The following MCOLN1 variants were observed in gnomAD, a reference collection of about 807,000 sequenced individuals.
MCOLN1 encodes mucolipin-1.
A neutral mutation model predicts 70.3 loss-of-function variants in MCOLN1; 50 were observed. The ratio of observed to expected loss-of-function variants is 0.71; its 90% CI spans 0.57 to 0.90. The LOEUF (loss-of-function observed/expected upper bound fraction) is 0.90, where lower values mean the gene tolerates loss of function less well. Ranked by LOEUF, MCOLN1 falls within the 40% of genes least tolerant of loss-of-function variation. MCOLN1 has a pLI of 0.00. For missense variants in MCOLN1, 598 were observed against 803.5 expected, an observed-to-expected ratio of 0.74 and a Z score of 3.09; for synonymous variants, 366 against 341.0, an observed-to-expected ratio of 1.07 and a Z score of -0.81.
At position 7,526,039 on chromosome 19, in the gene MCOLN1, G is replaced by A. The variant is rs1216689758; in HGVS notation, c.238-400G>A. The A allele has an allele frequency of 3.2e-6, 1 of 315,112 alleles. No individual in the cohort carries two copies. Among genetic ancestry groups the A allele is most frequent in the African/African-American group, 2.2e-5 (1 of 46,382 alleles). 19.5% of individuals were successfully genotyped at this position (315,112 alleles called of 1,614,324 possible). A position where few individuals can be genotyped will look rare whatever the true frequency, so the allele number is the denominator to read the frequency against. On this transcript the variant is annotated intron_variant, in intron 2 of 13. Coordinates refer to ENST00000264079, the MANE Select transcript of MCOLN1 (RefSeq NM_020533.3). This position sits in a 1 kb window ranked among gnomAD's most constrained non-coding sequence, Gnocchi z 4.6. ...ATCATACCATGGCACTCCAACTTGG[G>A]CAACAGAGTGAGACTCTGTCTCAAA...
chr19:7,522,676 C>A lies in MCOLN1; in HGVS notation c.-75C>A. Reference sequence around the variant, plus strand: ...AAGCCGCGCCGCGAGGGAGCGAGGTCGCAGTGACAGCGGCGGGCGATCGGA... The same window carrying A: ...AAGCCGCGCCGCGAGGGAGCGAGGTAGCAGTGACAGCGGCGGGCGATCGGA... On this transcript the variant is annotated 5_prime_UTR_variant, in exon 1 of 14. The change creates a premature stop within an existing upstream ORF in the 5' untranslated region. Coordinates refer to ENST00000264079, the MANE Select transcript of MCOLN1 (RefSeq NM_020533.3). 4.3e-6 allele frequency: 6 copies of A among 1,388,454 alleles called. No homozygotes were observed. The highest frequency in any genetic ancestry group is 1.4e-5 in the South Asian group (1 of 69,916). 86.0% of individuals were successfully genotyped at this position (1,388,454 alleles called of 1,614,324 possible).
intron 4 of MCOLN1, chr19:7,527,271 CAAAA>C (rs562144613): frequency 0.01 from 2,413 of 231,740 alleles, no homozygotes; most frequent in East Asian, 0.012. Context: ...GACCCTGTCT[CAAAA>C]AAAAAAAAAA....
rs1341182607 is a variant in MCOLN1 at position 7,526,593 on chromosome 19, A to G, written c.392A>G (p.His131Arg). Residue 131 changes from histidine (H) to arginine (R), a missense_variant, in exon 3 of 14, where the codon CAT becomes CGT. Physicochemically the swap from His to Arg is conservative, Grantham distance 29. This residue lies in a region of MCOLN1 where 461 missense variants were observed against 588.4 expected (regional missense o/e 0.78). Coordinates refer to ENST00000264079, the MANE Select transcript of MCOLN1 (RefSeq NM_020533.3). The surrounding 1 kb of genome is among the most constrained non-coding windows in gnomAD (Gnocchi z 4.6). ...TREQLYQAIF[H>R]AVDQYLALPD... ...GAGCAGCTGTACCAGGCCATCTTCCATGCTGTGGACCAGGTGCTGGTGGGC... is the reference window on the plus strand; with the variant it reads ...GAGCAGCTGTACCAGGCCATCTTCCGTGCTGTGGACCAGGTGCTGGTGGGC... 1.2e-6 allele frequency: 2 copies of G among 1,608,004 alleles called. No individual in the cohort carries two copies. Among genetic ancestry groups the G allele is most frequent in the Non-Finnish European group, 1.7e-6 (2 of 1,177,024 alleles).
In MCOLN1 at chr19:7,527,509, C is replaced by G. The variant is rs983215589; in HGVS notation, c.572-11C>G. The G allele has an allele frequency of 3.8e-6, 5 of 1,323,344 alleles. No individual in the cohort carries two copies. The highest frequency in any genetic ancestry group is 5.5e-6 in the Non-Finnish European group (5 of 914,028). 82.0% of individuals were successfully genotyped at this position (1,323,344 alleles called of 1,614,324 possible). A position where few individuals can be genotyped will look rare whatever the true frequency, so the allele number is the denominator to read the frequency against. ...GCCCCCTGAGGCCCTTCCCTGACTC[C>G]CTGTCCTTAGACTGCATCCAGGTGG... On this transcript the variant is annotated splice_polypyrimidine_tract_variant and intron_variant, in intron 4 of 13. Transcript: ENST00000264079.
Position 7,525,838 on chromosome 19 carries a change from G to GTA in MCOLN1, c.238-601_238-600insTA. ...AGCACTTTGGGAGGCTGAGTTGGGT[G>GTA]GATCATTTGAGGCCAGGAGTTTGAG... On this transcript the variant is annotated intron_variant, in intron 2 of 13. Coordinates refer to ENST00000264079, the MANE Select transcript of MCOLN1 (RefSeq NM_020533.3). The surrounding 1 kb of genome is among the most constrained non-coding windows in gnomAD (Gnocchi z 4.2). The GTA allele has an allele frequency of 5.8e-6, 1 of 172,120 alleles. No homozygotes were observed. Among genetic ancestry groups the GTA allele is most frequent in the Non-Finnish European group, 1.3e-5 (1 of 78,922 alleles). The allele number at this position is 172,120 out of a possible 1,614,324, so 10.7% of individuals were successfully genotyped here.
intron 12 of MCOLN1, among the ~76,000 whole-genome samples, chr19:7,532,671 A>C (rs2022673723): frequency 6.6e-6 from 1 of 152,180 alleles, no homozygotes; most frequent in South Asian, 2.1e-4. Context: ...GCCGAGATCA[A>C]GCCACTGCAC....
chr19:7,529,139 C>T lies in MCOLN1; in HGVS notation c.1173C>T (p.Gly391=). 6.2e-7 allele frequency: 1 copy of T among 1,613,948 alleles called. No individual in the cohort carries two copies. The highest frequency in any genetic ancestry group is 8.5e-7 in the Non-Finnish European group (1 of 1,180,024). The part of the protein sequence containing the change: ...ASYDVCSILL[G]TSTLLVWVGV... ...ACGACGTCTGCAGCATCCTCCTGGG[C>T]ACCTCGACGCTGCTGGTGTGGGTGG... The change falls in exon 10 of 14, where the codon GGC becomes GGT. Residue 391 remains glycine, a synonymous_variant. Coordinates refer to ENST00000264079, the MANE Select transcript of MCOLN1 (RefSeq NM_020533.3).
chr19:7,529,515 A>AGGGGGGCCCCC, intron 10 of MCOLN1, 75 bp from the exon 11 acceptor site: 1 of 407,488 alleles, frequency 2.5e-6, no homozygotes, highest in Non-Finnish European at 4.0e-6. Context: ...CGCCCCTCCC[A>AGGGGGGCCCCC]CCCCCATCTG....
Position 7,526,247 on chromosome 19 carries a change from TG to T in MCOLN1, c.238-188del. On this transcript the variant is annotated intron_variant, in intron 2 of 13. Coordinates refer to ENST00000264079, the MANE Select transcript of MCOLN1 (RefSeq NM_020533.3). The surrounding 1 kb of genome is among the most constrained non-coding windows in gnomAD (Gnocchi z 4.6). ...GTGGCATGGAGCTTATGCCAGGAGG[TG>T]GGGTGAAATTAATCAAAGCAAAGAA... 5 of 678,764 alleles carry T rather than the reference TG, an allele frequency of 7.4e-6. No homozygotes were observed. The highest frequency in any genetic ancestry group is 2.9e-4 in the Middle Eastern group (1 of 3,458). The allele number at this position is 678,764 out of a possible 1,614,324, so 42.0% of individuals were successfully genotyped here. A position where few individuals can be genotyped will look rare whatever the true frequency, so the allele number is the denominator to read the frequency against.
rs2022604299 is a variant in MCOLN1, at chr19:7,528,440, A to C, written c.878-157A>C. ...TCCCCCAAGCCCCAGACCAGCACTG[A>C]CCGGGGTTCTTGACTCACCCCAAGC... On this transcript the variant is annotated intron_variant, in intron 7 of 13. Transcript: ENST00000264079. The surrounding 1 kb of genome is among the most constrained non-coding windows in gnomAD (Gnocchi z 4.2). Among the ~76,000 whole-genome samples, 1 of 152,128 alleles carries C rather than the reference A, an allele frequency of 6.6e-6. No individual in the cohort carries two copies. The highest frequency in any genetic ancestry group is 2.4e-5 in the African/African-American group (1 of 41,416).
At position 7,524,939 on chromosome 19, in the gene MCOLN1, G is replaced by C. The variant is rs1381986620; in HGVS notation, c.32-22G>C. 6.2e-7 allele frequency: 1 copy of C among 1,608,362 alleles called. No individual in the cohort carries two copies. The highest frequency in any genetic ancestry group is 2.2e-5 in the East Asian group (1 of 44,864). ...GGGGAGTTGCCCAGGCCTCACCCCA[G>C]TGCCCTCTCCTATTCCCACAGAGAC... On this transcript the variant is annotated intron_variant, in intron 1 of 13. Transcript: ENST00000264079. The surrounding 1 kb of genome is among the most constrained non-coding windows in gnomAD (Gnocchi z 4.1).
chr19:7,533,901 C>A lies in MCOLN1; in HGVS notation c.*106C>A. 7.1e-7 allele frequency: 1 copy of A among 1,413,342 alleles called. No individual in the cohort carries two copies. The highest frequency in any genetic ancestry group is 1.2e-5 in the South Asian group (1 of 83,344). The allele number at this position is 1,413,342 out of a possible 1,614,324, so 87.6% of individuals were successfully genotyped here. A position where few individuals can be genotyped will look rare whatever the true frequency, so the allele number is the denominator to read the frequency against. On this transcript the variant is annotated 3_prime_UTR_variant, in exon 14 of 14. Coordinates refer to ENST00000264079, the MANE Select transcript of MCOLN1 (RefSeq NM_020533.3). ...TTGCTTTTAAGGATCGGCTCCCTGT[C>A]GCGCCCGAGGAGGGCCTGGACCTTT...
Position 7,528,693 on chromosome 19 carries a change from T to G in MCOLN1, c.974T>G (p.Leu325Arg). Residue 325 changes from leucine (L) to arginine (R), a missense_variant, in exon 8 of 14, where the codon CTG becomes CGG. By Grantham distance (102) the Leu-to-Arg change is moderately radical. Transcript: ENST00000264079. This position sits in a 1 kb window ranked among gnomAD's most constrained non-coding sequence, Gnocchi z 4.2. ...LCARSLLRGF[L>R]LQNEFVGFMW... ...GCCCGCTCACTCCTTCGAGGCTTCCTGCTGCAGAACGTGAGGCTTCTGCGT... is the reference window on the plus strand; with the variant it reads ...GCCCGCTCACTCCTTCGAGGCTTCCGGCTGCAGAACGTGAGGCTTCTGCGT... 6.2e-7 allele frequency: 1 copy of G among 1,614,210 alleles called. No homozygotes were observed. Among genetic ancestry groups the G allele is most frequent in the Non-Finnish European group, 8.5e-7 (1 of 1,180,012 alleles).
In MCOLN1 at chr19:7,528,479, A is replaced by G; in HGVS notation, c.878-118A>G. 1 of 1,373,660 alleles carries G rather than the reference A, an allele frequency of 7.3e-7. No individual in the cohort carries two copies. The highest frequency in any genetic ancestry group is 1.0e-6 in the Non-Finnish European group (1 of 991,702). 85.1% of individuals were successfully genotyped at this position (1,373,660 alleles called of 1,614,324 possible). ...CTCACCCCAAGCAAGCCCTGAGCCC[A>G]CTGACCAACCAAAACCAGCCGTGCA... is the stretch of plus-strand genomic sequence containing the variant. On this transcript the variant is annotated intron_variant, in intron 7 of 13. Transcript: ENST00000264079. The surrounding 1 kb of genome is among the most constrained non-coding windows in gnomAD (Gnocchi z 4.2).
rs780992839 is a variant in MCOLN1, at chr19:7,533,592, A to T, written c.1645A>T (p.Thr549Ser). The T allele has an allele frequency of 6.2e-7, 1 of 1,613,230 alleles. No individual in the cohort carries two copies. Among genetic ancestry groups the T allele is most frequent in the African/African-American group, 1.3e-5 (1 of 75,042 alleles). ...CATCGCACAGTGCCAGGACAGCCCC[A>T]CCTCCGGCAAGTTCCGCCGCGGGAG... ...AYIAQCQDSP[T>S]SGKFRRGSGS... Residue 549 changes from threonine to serine, a missense_variant, in exon 13 of 14, where the codon ACC becomes TCC. Coordinates refer to ENST00000264079, the MANE Select transcript of MCOLN1 (RefSeq NM_020533.3).
In MCOLN1 at chr19:7,524,012, G is replaced by A. The variant is rs550652272; in HGVS notation, c.32-949G>A. ...CAGCTACTAACTACGGGCATGAGCC[G>A]TCACACCTGACTATTTAAAAAAAAT... is the stretch of plus-strand genomic sequence containing the variant. On this transcript the variant is annotated intron_variant, in intron 1 of 13. Coordinates refer to ENST00000264079, the MANE Select transcript of MCOLN1 (RefSeq NM_020533.3). This position sits in a 1 kb window ranked among gnomAD's most constrained non-coding sequence, Gnocchi z 4.1. Among the ~76,000 whole-genome samples the A allele has an allele frequency of 2.0e-5, 3 of 152,050 alleles. No individual in the cohort carries two copies. The highest frequency in any genetic ancestry group is 3.9e-4 in the East Asian group (2 of 5,180).
rs755659323 is a variant in MCOLN1, at chr19:7,530,442, A to G, written c.1516A>G (p.Ile506Val). The change falls in exon 12 of 14, where the codon ATC becomes GTC. Residue 506 changes from isoleucine to valine, a missense_variant. Physicochemically the swap from Ile to Val is conservative, Grantham distance 29. This residue lies in a region of MCOLN1 where 78 missense variants were observed against 156.2 expected (regional missense o/e 0.50). Coordinates refer to ENST00000264079, the MANE Select transcript of MCOLN1 (RefSeq NM_020533.3). ...LYLYSFISLF[I>V]YMVLSLFIAL... ...CCTTTACTCCTTCATCAGCCTCTTC[A>G]TCTACATGGTGCTCAGCCTCTTCAT... The G allele has an allele frequency of 7.4e-6, 12 of 1,613,102 alleles. No homozygotes were observed. Among genetic ancestry groups the G allele is most frequent in the African/African-American group, 1.3e-5 (1 of 74,914 alleles).
Position 7,530,474 on chromosome 19 carries a change from C to T in MCOLN1, c.1548C>T (p.Leu516=), listed in dbSNP as rs530169769. The T allele has an allele frequency of 5.6e-6, 9 of 1,611,534 alleles. No individual in the cohort carries two copies. Among genetic ancestry groups the T allele is most frequent in the African/African-American group, 2.7e-5 (2 of 75,056 alleles). ...IYMVLSLFIA[L]ITGAYDTIKH... ...TGGTGCTCAGCCTCTTCATCGCGCT[C>T]ATCACCGGCGCCTACGACACCATCA... Residue 516 remains leucine (L), a synonymous_variant, in exon 12 of 14, where the codon CTC becomes CTT. Transcript: ENST00000264079.
At position 7,525,269 on chromosome 19, in the gene MCOLN1, A is replaced by G; in HGVS notation, c.237+103A>G. The G allele has an allele frequency of 9.4e-7, 1 of 1,058,388 alleles. No homozygotes were observed. The highest frequency in any genetic ancestry group is 1.4e-6 in the Non-Finnish European group (1 of 701,362). The allele number at this position is 1,058,388 out of a possible 1,614,324, so 65.6% of individuals were successfully genotyped here. A position where few individuals can be genotyped will look rare whatever the true frequency, so the allele number is the denominator to read the frequency against. On this transcript the variant is annotated intron_variant, in intron 2 of 13. Coordinates refer to ENST00000264079, the MANE Select transcript of MCOLN1 (RefSeq NM_020533.3). The surrounding 1 kb of genome is among the most constrained non-coding windows in gnomAD (Gnocchi z 4.2). ...CACTTTGGAAGGCCGAGGCCGGTGG[A>G]TCGCTTGAGGCTGGGAGTTCAAGAC...
Sources: gnomAD v4.1 joint callset for allele counts (sites outside exome capture counted in the v4.1 genomes callset) on GRCh38, gnomAD v4.1.1 for gene constraint, gnomAD v4.1.1 regional missense constraint, Gnocchi (gnomAD v3.1) non-coding constraint, MANE v1.5 for transcripts, NCBI Gene and HGNC (gene_info 2026-07-23, HGNC 2026-07-21) for gene names.